The following UQCC1 variants were observed in gnomAD, a reference collection of about 807,000 sequenced individuals.
The protein encoded by UQCC1 is ubiquinol-cytochrome c reductase complex assembly factor 1.
A neutral mutation model predicts 48.0 loss-of-function variants in UQCC1; 38 were observed. That is an observed-to-expected ratio of 0.79 (90% confidence interval 0.61 to 1.04). The LOEUF (loss-of-function observed/expected upper bound fraction) is 1.04. UQCC1 is among the 50% of genes least tolerant of loss of function. The pLI, the probability that UQCC1 is intolerant of heterozygous loss-of-function variation, is 0.00. For synonymous variants in UQCC1, 111 were observed against 129.2 expected, an observed-to-expected ratio of 0.86 and a Z score of 0.95; for missense variants, 368 against 381.8, an observed-to-expected ratio of 0.96 and a Z score of 0.30.
intron 1 of UQCC1, among the ~76,000 whole-genome samples, chr20:35,395,129 G>A (rs1348444263): frequency 6.6e-6 from 1 of 152,032 alleles, no homozygotes; most frequent in Non-Finnish European, 1.5e-5. Flanking sequence ...TCCAAACCCA[G>A]GGATTTCTAT....
intron 7 of UQCC1, among the ~76,000 whole-genome samples, chr20:35,319,033 T>G (rs966298839): frequency 6.6e-6 from 1 of 152,202 alleles, no homozygotes; most frequent in Admixed American, 6.5e-5. Context: ...ATCCTTTCCA[T>G]AATGCTTTGC....
rs960985713 is a variant in UQCC1 at position 35,339,856 on chromosome 20, AT to A, written c.573+7307del. ...CATTTTGCACAATCTTAGATGCACA[AT>A]TTTTTTTTGCAACATTTGTTTATCT... On this transcript the variant is annotated intron_variant, in intron 7 of 9. Transcript: ENST00000374385. Among the ~76,000 whole-genome samples, 64 of 151,128 alleles carry A rather than the reference AT, an allele frequency of 4.2e-4. 1 individual carries two copies. Among genetic ancestry groups the A allele is most frequent in the African/African-American group, 9.0e-4 (37 of 41,224 alleles).
intron 9 of UQCC1, among the ~76,000 whole-genome samples, chr20:35,305,210 G>A (rs546524640): frequency 3.3e-5 from 5 of 152,178 alleles, no homozygotes; most frequent in Non-Finnish European, 5.9e-5. Flanking sequence ...CTTATTAATC[G>A]TTGCTTTCCC....
At chr20:35,306,307 G>A (rs2060927770) in intron 9 of UQCC1, 1 of 230,468 alleles carries the variant, frequency 4.3e-6, no homozygotes, top group Non-Finnish European at 8.8e-6. Flanking sequence ...GTCCACAGTG[G>A]GCAGCTGCTA....
intron 7 of UQCC1, among the ~76,000 whole-genome samples, chr20:35,342,326 G>T (rs567332761): frequency 6.6e-6 from 1 of 152,208 alleles, no homozygotes; most frequent in African/African-American, 2.4e-5. Context: ...AGAGGAAGTC[G>T]TTTAGCCAGC....
intron 3 of UQCC1, among the ~76,000 whole-genome samples, chr20:35,383,403 TTAGGTCCAA>T (rs2061899903): frequency 6.6e-6 from 1 of 152,184 alleles, no homozygotes; most frequent in African/African-American, 2.4e-5. Context: ...CTCAGAAGGC[TTAGGTCCAA>T]ATATTCAGGC....
intron 1 of UQCC1, among the ~76,000 whole-genome samples, chr20:35,404,319 G>C (rs1225293340): frequency 6.6e-6 from 1 of 151,320 alleles, no homozygotes; most frequent in Non-Finnish European, 1.5e-5. Flanking sequence ...GCAGTGAGCC[G>C]AGATTGCACC....
At chr20:35,335,024 T>C (rs963841333) in intron 7 of UQCC1, among the ~76,000 whole-genome samples, 8 of 152,236 alleles carry the variant, frequency 5.3e-5, no homozygotes, top group African/African-American at 1.9e-4. Flanking sequence ...TCTAAAATTG[T>C]CGGTAAAATA....
At chr20:35,361,869 C>T (rs2061609703) in intron 6 of UQCC1, among the ~76,000 whole-genome samples, 1 of 152,220 alleles carries the variant, frequency 6.6e-6, no homozygotes, top group African/African-American at 2.4e-5. Context: ...AAATACCTGA[C>T]TTTAAAATAA....
intron 2 of UQCC1, among the ~76,000 whole-genome samples, chr20:35,387,263 G>C (rs1447409854): frequency 6.6e-6 from 1 of 152,062 alleles, no homozygotes; most frequent in Non-Finnish European, 1.5e-5. Flanking sequence ...TCCAGCCTGG[G>C]TGACAGAGCA....
chr20:35,381,119 A>C (rs1600984360), intron 4 of UQCC1, among the ~76,000 whole-genome samples: 1 of 152,216 alleles, frequency 6.6e-6, no homozygotes, highest in Admixed American at 6.5e-5. Context: ...GAGGACATTC[A>C]TTCATTTATA....
At chr20:35,411,463 G>A (rs1046524124) in intron 1 of UQCC1, among the ~76,000 whole-genome samples, 15 of 152,106 alleles carry the variant, frequency 9.9e-5, no homozygotes, top group Non-Finnish European at 1.9e-4. Context: ...GTTAAGAACT[G>A]ACTTATTACC....
At chr20:35,356,930 A>C (rs915150712) in intron 6 of UQCC1, among the ~76,000 whole-genome samples, 6 of 152,260 alleles carry the variant, frequency 3.9e-5, no homozygotes, top group Non-Finnish European at 8.8e-5. Flanking sequence ...GTAGGAAAAG[A>C]GGAAATGAAA....
chr20:35,371,532 A>C (rs2061730534), intron 5 of UQCC1, among the ~76,000 whole-genome samples: 2 of 151,632 alleles, frequency 1.3e-5, no homozygotes, highest in Non-Finnish European at 2.9e-5. Context: ...GGGTTTCACC[A>C]TGTTGGCCTG....
intron 6 of UQCC1, among the ~76,000 whole-genome samples, chr20:35,358,356 CAAAAAAAA>C (rs1198006186): frequency 4.0e-5 from 2 of 49,390 alleles, no homozygotes; most frequent in Non-Finnish European, 6.5e-5. Context: ...GACTCTGTCT[CAAAAAAAA>C]AAAAAAAAAA....
chr20:35,340,564 A>C (rs1222940401), intron 7 of UQCC1, among the ~76,000 whole-genome samples: 1 of 152,154 alleles, frequency 6.6e-6, no homozygotes, highest in African/African-American at 2.4e-5. Context: ...AGCTCACTGC[A>C]ACATCAAACT....
intron 6 of UQCC1, among the ~76,000 whole-genome samples, chr20:35,364,986 C>G (rs1170369889): frequency 6.6e-6 from 1 of 152,166 alleles, no homozygotes; most frequent in African/African-American, 2.4e-5. Context: ...AGTGCCACCT[C>G]TACAGTCCTC....
At chr20:35,371,624 G>A (rs542066973) in intron 5 of UQCC1, among the ~76,000 whole-genome samples, 3 of 146,032 alleles carry the variant, frequency 2.1e-5, no homozygotes, top group Admixed American at 1.4e-4. Context: ...GAGCCACCGC[G>A]CCCAGCCTGA....
At chr20:35,363,996 G>A (rs4911492) in intron 6 of UQCC1, among the ~76,000 whole-genome samples, 82,382 of 151,864 alleles carry the variant, frequency 0.54, 23,384 homozygotes, top group East Asian at 0.71. Context: ...AGACTTCTCC[G>A]ATTCTTGGAG....
Sources: allele counts gnomAD v4.1 joint callset (sites outside exome capture counted in the v4.1 genomes callset), GRCh38; gene constraint gnomAD v4.1.1; transcripts MANE v1.5; gene names NCBI Gene and HGNC (gene_info 2026-07-23, HGNC 2026-07-21).